BCAS3: variants seen among roughly 807,000 people sequenced by gnomAD.
The protein encoded by BCAS3 is BCAS3 microtubule associated cell migration factor.
In BCAS3, 53 loss-of-function variants were observed where a neutral mutation model predicts 116.1. The ratio of observed to expected loss-of-function variants is 0.46; its 90% confidence interval spans 0.37 to 0.57. The LOEUF (loss-of-function observed/expected upper bound fraction) is 0.57. BCAS3 is among the 20% of genes least tolerant of loss of function. The pLI is 0.00. For missense variants in BCAS3, 917 were observed against 1,165.4 expected (o/e 0.79, Z 3.10); for synonymous variants, 391 against 408.2 (o/e 0.96, Z 0.51).
Position 61,186,979 on chromosome 17 carries a change from G to T in BCAS3, c.2425+102415G>T, listed in dbSNP as rs996478128. On this transcript the variant is annotated intron_variant, in intron 22 of 23. Transcript: ENST00000407086. This position sits in a 1 kb window ranked among gnomAD's most constrained non-coding sequence, Gnocchi z 4.9. ...CCCACCTCGGCCTCCCAAAGTGCTG[G>T]GATTACAAGCGTGAGCCACTGCGCC... Among the ~76,000 whole-genome samples, 5 of 152,098 alleles carry T rather than the reference G, an allele frequency of 3.3e-5. No homozygotes were observed. The highest frequency in any genetic ancestry group is 5.9e-5 in the Non-Finnish European group (4 of 68,026).
intron 7 of BCAS3, among the ~76,000 whole-genome samples, chr17:60,841,509 A>C (rs1313957929): frequency 2.7e-5 from 4 of 149,142 alleles, no homozygotes; most frequent in African/African-American, 1.0e-4. Context: ...CCTCCCGAGT[A>C]GCTGGGACTA....
At chr17:60,871,606 G>GTT (rs576443532) in intron 8 of BCAS3, among the ~76,000 whole-genome samples, 71 of 131,350 alleles carry the variant, frequency 5.4e-4, no homozygotes, top group African/African-American at 1.5e-3. Context: ...GTTTGTTTTT[G>GTT]TTTTTTTTTT....
At chr17:61,273,514 A>G (rs77829926) in intron 22 of BCAS3, among the ~76,000 whole-genome samples, 1 of 152,058 alleles carries the variant, frequency 6.6e-6, no homozygotes, top group African/African-American at 2.4e-5. Flanking sequence ...GTTTCTCACC[A>G]TTTTGATGAT....
rs1448424434 is a variant in BCAS3, at chr17:61,349,523, C to G, written c.2426-18804C>G. Among the ~76,000 whole-genome samples the G allele has an allele frequency of 2.0e-5, 3 of 152,178 alleles. No homozygotes were observed. The highest frequency in any genetic ancestry group is 7.2e-5 in the African/African-American group (3 of 41,442). ...TGGTCCAGCTCTGCTTCTCCGAAAGCTTTTAGACCAGAGCCCCTCACTGCC... is the reference window on the plus strand; with the variant it reads ...TGGTCCAGCTCTGCTTCTCCGAAAGGTTTTAGACCAGAGCCCCTCACTGCC... On this transcript the variant is annotated intron_variant, in intron 22 of 23. Transcript: ENST00000407086. This position sits in a 1 kb window ranked among gnomAD's most constrained non-coding sequence, Gnocchi z 4.7.
rs373217379 is a variant in BCAS3 at position 61,010,789 on chromosome 17, A to G, written c.1487-4962A>G. 5.3e-5 allele frequency among the ~76,000 whole-genome samples: 8 copies of G among 152,024 alleles called. No individual in the cohort carries two copies. In the East Asian group the frequency reaches 9.6e-4, roughly 18 times the overall value. On this transcript the variant is annotated intron_variant, in intron 15 of 23. Coordinates refer to ENST00000407086, the MANE Select transcript of BCAS3 (RefSeq NM_017679.5). ...TCTTTCCCCCAAGAGAACTCCATCT[A>G]TCGTGGGGACTGGTAAACCTCTAAA... is the stretch of plus-strand genomic sequence containing the variant.
chr17:60,769,458 T>C (rs944707585), intron 6 of BCAS3, among the ~76,000 whole-genome samples: 1 of 152,176 alleles, frequency 6.6e-6, no homozygotes, highest in Non-Finnish European at 1.5e-5. Flanking sequence ...TGGCCTCATT[T>C]CTCTCCTTGG....
At chr17:61,111,008 G>A (rs2075051719) in intron 22 of BCAS3, among the ~76,000 whole-genome samples, 1 of 152,002 alleles carries the variant, frequency 6.6e-6, no homozygotes, top group African/African-American at 2.4e-5. Flanking sequence ...TATTCCAACA[G>A]ACCTGCAGCT....
chr17:60,736,046 T>A (rs546248735), intron 5 of BCAS3, among the ~76,000 whole-genome samples: 53 of 146,580 alleles, frequency 3.6e-4, no homozygotes, highest in Non-Finnish European at 6.3e-4. Context: ...GGTTCTTTAT[T>A]TTATTTTCAG....
At chr17:61,358,122 A>G (rs2058258421) in intron 22 of BCAS3, among the ~76,000 whole-genome samples, 2 of 152,106 alleles carry the variant, frequency 1.3e-5, no homozygotes, top group African/African-American at 4.8e-5. Flanking sequence ...ACATATAGAA[A>G]AATATAAAGT....
intron 7 of BCAS3, among the ~76,000 whole-genome samples, chr17:60,829,257 G>A (rs921166853): frequency 3.2e-4 from 48 of 152,124 alleles, no homozygotes; most frequent in Non-Finnish European, 5.9e-5. Context: ...CACTTTGGGA[G>A]GCTGAGGTGG....
intron 22 of BCAS3, among the ~76,000 whole-genome samples, chr17:61,202,460 G>A (rs2080895419): frequency 6.6e-6 from 1 of 151,694 alleles, no homozygotes; most frequent in African/African-American, 2.4e-5. Flanking sequence ...TCTCAACAAA[G>A]AGTTTACTTT....
At chr17:61,060,608 T>G (rs16944786) in intron 19 of BCAS3, among the ~76,000 whole-genome samples, 15,310 of 152,202 alleles carry the variant, frequency 0.1, 2,322 homozygotes, top group African/African-American at 0.33. Context: ...TCTGTCAGTC[T>G]GCAGGTCAAG....
intron 23 of BCAS3, chr17:61,389,137 A>G (rs2060003745): frequency 5.4e-6 from 1 of 184,690 alleles, no homozygotes; most frequent in African/African-American, 2.4e-5. Context: ...AGGAGTCAGC[A>G]CAGCGCAGGG....
intron 22 of BCAS3, among the ~76,000 whole-genome samples, chr17:61,158,720 C>T (rs189745080): frequency 2.1e-4 from 32 of 152,060 alleles, no homozygotes; most frequent in African/African-American, 5.3e-4. Flanking sequence ...AAGGCAGCTC[C>T]GATAAAGGAA....
chr17:61,044,166 G>A (rs1211557208), intron 19 of BCAS3, among the ~76,000 whole-genome samples: 1 of 151,886 alleles, frequency 6.6e-6, no homozygotes, highest in African/African-American at 2.4e-5. Context: ...GCCTTAAGAG[G>A]TGGGGGCGCG....
In BCAS3 at chr17:61,316,223, C is replaced by G. The variant is rs1459674998; in HGVS notation, c.2426-52104C>G. ...CAGGAGGCTGTGGCAGGAGAATCAC[C>G]TGAGTCCAGGAGGTGGAGGCTGCAG... On this transcript the variant is annotated intron_variant, in intron 22 of 23. Transcript: ENST00000407086. The surrounding 1 kb of genome is among the most constrained non-coding windows in gnomAD (Gnocchi z 5.8). Among the ~76,000 whole-genome samples, 3 of 152,064 alleles carry G rather than the reference C, an allele frequency of 2.0e-5. No individual in the cohort carries two copies. The East Asian group carries it at 5.8e-4, about 29-fold the overall frequency.
In BCAS3 at chr17:61,258,882, C is replaced by T. The variant is rs1020403702; in HGVS notation, c.2426-109445C>T. Among the ~76,000 whole-genome samples, 1 of 152,152 alleles carries T rather than the reference C, an allele frequency of 6.6e-6. No homozygotes were observed. The highest frequency in any genetic ancestry group is 2.4e-5 in the African/African-American group (1 of 41,432). On this transcript the variant is annotated intron_variant, in intron 22 of 23. Coordinates refer to ENST00000407086, the MANE Select transcript of BCAS3 (RefSeq NM_017679.5). This position sits in a 1 kb window ranked among gnomAD's most constrained non-coding sequence, Gnocchi z 4.7. ...GTAATTCCCCAAGATAAGATTTTAC[C>T]GTCCCTCTTAATTTTATTAATCCAT...
At chr17:61,370,307 C>T (rs1195089689) in intron 23 of BCAS3, among the ~76,000 whole-genome samples, 1 of 150,730 alleles carries the variant, frequency 6.6e-6, no homozygotes, top group Non-Finnish European at 1.5e-5. Flanking sequence ...TCATTGTCCT[C>T]CCCAAACTGT....
chr17:60,812,811 C>A (rs2048960448), intron 7 of BCAS3, among the ~76,000 whole-genome samples: 1 of 152,150 alleles, frequency 6.6e-6, no homozygotes, highest in African/African-American at 2.4e-5. Flanking sequence ...CCAATCATAG[C>A]TCACTATAAT....
Sources: gnomAD v4.1 joint callset for allele counts (sites outside exome capture counted in the v4.1 genomes callset) on GRCh38, gnomAD v4.1.1 for gene constraint, Gnocchi (gnomAD v3.1) non-coding constraint, MANE v1.5 for transcripts, NCBI Gene and HGNC (gene_info 2026-07-23, HGNC 2026-07-21) for gene names.